LHFPL2: variants seen among roughly 807,000 people sequenced by gnomAD.
LHFPL2 encodes the protein LHFPL tetraspan subfamily member 2, also known as LHFPL tetraspan subfamily member 2 protein.
LHFPL2 carries 7 observed loss-of-function variants against 17.5 expected under a neutral mutation model. The observed-to-expected ratio is 0.40, with a 90% CI of 0.23 to 0.75. The LOEUF (loss-of-function observed/expected upper bound fraction) is 0.75. Among genes scored for constraint, LHFPL2 ranks in the 30% least tolerant of loss-of-function variants. LHFPL2 has a pLI of 0.37. For missense variants in LHFPL2, 241 were observed against 294.8 expected (o/e 0.82, Z 1.34); for synonymous variants, 134 against 116.2 (o/e 1.15, Z -0.99).
chr5:78,563,684 G>C (rs1255624678), intron 3 of LHFPL2, among the ~76,000 whole-genome samples: 3 of 146,510 alleles, frequency 2.0e-5, no homozygotes, highest in Admixed American at 6.8e-5. Context: ...CTGGGTGATA[G>C]AGCCAGACTC....
Position 78,596,787 on chromosome 5 carries a change from C to T in LHFPL2, c.-244-31916G>A, listed in dbSNP as rs934997694. ...CCACATTCTGATGCTGGTAGGTTGT[C>T]AGTCATAAGCAAAAATCCAGAAAAT... On this transcript the variant is annotated intron_variant, in intron 2 of 4. Transcript: ENST00000380345. Among the ~76,000 whole-genome samples the T allele has an allele frequency of 3.3e-5, 5 of 150,324 alleles. No individual in the cohort carries two copies. In the South Asian group the frequency reaches 6.4e-4, roughly 19 times the overall value.
rs148206513 is a variant in LHFPL2, at chr5:78,526,133, T to G, written c.-185-15735A>C. On this transcript the variant is annotated intron_variant, in intron 3 of 4. Transcript: ENST00000380345. ...CCTCTTCTGCTGGCCTCTGTAGCCC[T>G]GGCCCCCGCCACCACTCTACAGAGC... Among the ~76,000 whole-genome samples, 1,405 of 152,192 alleles carry G rather than the reference T, an allele frequency of 9.2e-3. 23 individuals are homozygous for G. The highest frequency in any genetic ancestry group is 0.031 in the African/African-American group (1,302 of 41,516).
chr5:78,525,755 C>T (rs992057133), intron 3 of LHFPL2, among the ~76,000 whole-genome samples: 21 of 152,164 alleles, frequency 1.4e-4, no homozygotes, highest in African/African-American at 4.8e-4. Context: ...CTTGAAGACA[C>T]AAGTTAAAAT....
intron 2 of LHFPL2, among the ~76,000 whole-genome samples, chr5:78,568,930 C>T (rs753746010): frequency 1.3e-5 from 2 of 152,026 alleles, no homozygotes; most frequent in Non-Finnish European, 2.9e-5. Context: ...CTTTACTATC[C>T]CCATTTTATA....
chr5:78,571,176 G>C (rs1338793980), intron 2 of LHFPL2, among the ~76,000 whole-genome samples: 2 of 152,138 alleles, frequency 1.3e-5, no homozygotes, highest in African/African-American at 4.8e-5. Flanking sequence ...CTGTCCTGGA[G>C]TTTGCTGCAC....
intron 3 of LHFPL2, among the ~76,000 whole-genome samples, chr5:78,547,628 C>T (rs1010041039): frequency 1.3e-5 from 2 of 152,144 alleles, no homozygotes; most frequent in South Asian, 2.1e-4. Flanking sequence ...CTGTGAAGTA[C>T]CAGCACAGTT....
intron 1 of LHFPL2, among the ~76,000 whole-genome samples, chr5:78,633,013 G>A (rs1745309223): frequency 6.6e-6 from 1 of 152,198 alleles, no homozygotes; most frequent in African/African-American, 2.4e-5. Flanking sequence ...AGCATTTCAG[G>A]TCACAAGAGG....
chr5:78,620,296 A>G (rs1408609647), intron 2 of LHFPL2, among the ~76,000 whole-genome samples: 1 of 151,722 alleles, frequency 6.6e-6, no homozygotes, highest in Non-Finnish European at 1.5e-5. Context: ...TGGCTGCATA[A>G]ATGTCTTATT....
chr5:78,530,974 C>A (rs1755765797), intron 3 of LHFPL2, among the ~76,000 whole-genome samples: 1 of 152,182 alleles, frequency 6.6e-6, no homozygotes, highest in South Asian at 2.1e-4. Context: ...ACCCAATACC[C>A]ATTCTCCCCT....
intron 2 of LHFPL2, among the ~76,000 whole-genome samples, chr5:78,569,451 T>C (rs569553823): frequency 6.6e-6 from 1 of 152,320 alleles, no homozygotes; most frequent in East Asian, 1.9e-4. Flanking sequence ...AGCCAAAGCA[T>C]TAATCGTTGC....
At chr5:78,634,375 A>C (rs971460659) in intron 1 of LHFPL2, among the ~76,000 whole-genome samples, 1 of 152,212 alleles carries the variant, frequency 6.6e-6, no homozygotes, top group Non-Finnish European at 1.5e-5. Flanking sequence ...CAGTGAGGAC[A>C]CTGTATTCTC....
intron 3 of LHFPL2, among the ~76,000 whole-genome samples, chr5:78,527,912 G>A (rs1755667783): frequency 1.3e-5 from 2 of 152,130 alleles, no homozygotes; most frequent in Admixed American, 6.5e-5. Context: ...GAGTGTAAGC[G>A]ATTAAGAGTA....
intron 2 of LHFPL2, among the ~76,000 whole-genome samples, chr5:78,611,577 G>A (rs1274798416): frequency 6.6e-6 from 1 of 152,188 alleles, no homozygotes; most frequent in East Asian, 1.9e-4. Context: ...AGGCTTCAGG[G>A]CTGGGGCAGA....
intron 2 of LHFPL2, among the ~76,000 whole-genome samples, chr5:78,568,783 A>G (rs1756923571): frequency 6.6e-6 from 1 of 152,162 alleles, no homozygotes; most frequent in Admixed American, 6.5e-5. Flanking sequence ...CTGAGACCTG[A>G]GGTCTATGCC....
intron 3 of LHFPL2, among the ~76,000 whole-genome samples, chr5:78,532,673 A>T (rs896416786): frequency 6.6e-6 from 1 of 152,024 alleles, no homozygotes; most frequent in African/African-American, 2.4e-5. Flanking sequence ...TTTTTAAAAA[A>T]CTGAATAATA....
rs535487898 is a variant in LHFPL2 at position 78,645,675 on chromosome 5, C to T, written c.-350+2824G>A. On this transcript the variant is annotated intron_variant, in intron 1 of 4. Coordinates refer to ENST00000380345, the MANE Select transcript of LHFPL2 (RefSeq NM_005779.3). ...TCAGCTCGCTGTAACCTCCGCCACC[C>T]GGGTTCAAGCGATTCTCCTACCTCA... Among the ~76,000 whole-genome samples, 26 of 152,180 alleles carry T rather than the reference C, an allele frequency of 1.7e-4. 1 individual carries two copies. The highest frequency in any genetic ancestry group is 2.4e-4 in the African/African-American group (10 of 41,502).
chr5:78,601,378 C>T (rs1020383671), intron 2 of LHFPL2, among the ~76,000 whole-genome samples: 3 of 152,166 alleles, frequency 2.0e-5, no homozygotes, highest in African/African-American at 4.8e-5. Flanking sequence ...CAAGAATGTA[C>T]AGACATGGCC....
chr5:78,565,298 T>G (rs1216784154), intron 2 of LHFPL2, among the ~76,000 whole-genome samples: 1 of 152,242 alleles, frequency 6.6e-6, no homozygotes, highest in Non-Finnish European at 1.5e-5. Flanking sequence ...CTTTATATCC[T>G]TTTCAGTTAC....
Position 78,524,515 on chromosome 5 carries a change from G to A in LHFPL2, c.-185-14117C>T, listed in dbSNP as rs572950282. Among the ~76,000 whole-genome samples, 28 of 152,282 alleles carry A rather than the reference G, an allele frequency of 1.8e-4. No homozygotes were observed. In the East Asian group the frequency reaches 4.8e-3, roughly 26 times the overall value. ...CTAGCACTTTGGGAGGCCAGGGCAG[G>A]CGGATCACTTGAGCCCAGGAGTTCA... On this transcript the variant is annotated intron_variant, in intron 3 of 4. Transcript: ENST00000380345.
Sources: allele counts gnomAD v4.1 joint callset (sites outside exome capture counted in the v4.1 genomes callset), GRCh38; gene constraint gnomAD v4.1.1; transcripts MANE v1.5; gene names NCBI Gene and HGNC (gene_info 2026-07-23, HGNC 2026-07-21).